SLC9B2: variants seen among roughly 807,000 people sequenced by gnomAD.
SLC9B2 encodes the protein solute carrier family 9 member B2.
Under a neutral mutation model 52.2 loss-of-function variants are expected in SLC9B2, and 39 were observed. The ratio of observed to expected loss-of-function variants is 0.75; its 90% CI spans 0.58 to 0.98. The LOEUF is 0.98. Ranked by LOEUF, SLC9B2 falls within the 50% of genes least tolerant of loss-of-function variation. The pLI, the probability that SLC9B2 is intolerant of heterozygous loss-of-function variation, is 0.00. For synonymous variants in SLC9B2, 214 were observed against 227.0 expected, an observed-to-expected ratio of 0.94 and a Z score of 0.51; for missense variants, 626 against 637.5, an observed-to-expected ratio of 0.98 and a Z score of 0.19.
downstream of SLC9B2, among the ~76,000 whole-genome samples, chr4:103,018,152 C>A (rs920516043): frequency 6.6e-6 from 1 of 152,166 alleles, no homozygotes; most frequent in Non-Finnish European, 1.5e-5. Flanking sequence ...AGTGTTTAAA[C>A]AGGATGAGTA....
At chr4:103,033,370 AC>A (rs1742872256) in intron 9 of SLC9B2, among the ~76,000 whole-genome samples, 1 of 152,176 alleles carries the variant, frequency 6.6e-6, no homozygotes, top group Admixed American at 6.6e-5. Flanking sequence ...CCAGAATAAG[AC>A]AAGGATGCCC....
chr4:103,047,995 C>CA (rs999590725), intron 6 of SLC9B2, among the ~76,000 whole-genome samples: 5 of 151,944 alleles, frequency 3.3e-5, no homozygotes, highest in Admixed American at 6.6e-5. Flanking sequence ...CTTTTTTAAA[C>CA]AAAAAAATTC....
At chr4:103,028,657 C>T in intron 11 of SLC9B2, 90 bp downstream of exon 11, 1 of 1,406,280 alleles carries the variant, frequency 7.1e-7, no homozygotes, top group African/African-American at 1.5e-5. Context: ...TATTTATTTT[C>T]ACTAAATTTA....
intron 1 of SLC9B2, among the ~76,000 whole-genome samples, chr4:103,072,703 T>G (rs1746770516): frequency 6.6e-6 from 1 of 152,186 alleles, no homozygotes; most frequent in Non-Finnish European, 1.5e-5. Context: ...TGCTAAAAGA[T>G]ATGGATAAAG....
At chr4:103,067,888 AG>A (rs774786539) in intron 1 of SLC9B2, among the ~76,000 whole-genome samples, 16 of 152,194 alleles carry the variant, frequency 1.1e-4, no homozygotes, top group Non-Finnish European at 2.1e-4. Context: ...AAGCAATATC[AG>A]TGTTAAACTG....
chr4:103,050,448 ATT>A, intron 4 of SLC9B2, 66 bp from the exon 5 acceptor site: 1 of 1,417,678 alleles, frequency 7.1e-7, no homozygotes, highest in Non-Finnish European at 9.3e-7. Flanking sequence ...TAGTACTTTA[ATT>A]TTATACAGAC....
Position 103,047,173 on chromosome 4 carries a change from A to T in SLC9B2, c.767T>A (p.Leu256Ter), listed in dbSNP as rs1245782758. ...PAVVVPSMLL[L>*]QGGGYGVEKG... Reference sequence around the variant, plus strand: ...CTCAACACCATAGCCTCCTCCCTGCAAAAGGAGCATTGAAGGCACCACAAC... The same window carrying T: ...CTCAACACCATAGCCTCCTCCCTGCTAAAGGAGCATTGAAGGCACCACAAC... Residue 256 changes from leucine (L) to a stop codon, truncating the protein, a stop_gained, in exon 7 of 12, where the codon TTG becomes TAG. Coordinates refer to ENST00000394785, the MANE Select transcript of SLC9B2 (RefSeq NM_178833.7). LOFTEE classifies it high-confidence loss of function. 1 of 1,613,898 alleles carries T rather than the reference A, an allele frequency of 6.2e-7. No homozygotes were observed. Among genetic ancestry groups the T allele is most frequent in the East Asian group, 2.2e-5 (1 of 44,870 alleles).
At chr4:103,036,746 T>C (rs1743216872) in intron 9 of SLC9B2, among the ~76,000 whole-genome samples, 1 of 151,856 alleles carries the variant, frequency 6.6e-6, no homozygotes, top group Admixed American at 6.6e-5. Flanking sequence ...AACTCACCAT[T>C]TGGCAGGACA....
chr4:103,072,783 G>T (rs907630322), intron 1 of SLC9B2, among the ~76,000 whole-genome samples: 2 of 152,132 alleles, frequency 1.3e-5, no homozygotes, highest in African/African-American at 4.8e-5. Context: ...ATCTTATGGA[G>T]AATTTACATA....
intron 3 of SLC9B2, among the ~76,000 whole-genome samples, chr4:103,059,247 ATTTG>A (rs1745422522): frequency 6.6e-6 from 1 of 152,148 alleles, no homozygotes; most frequent in Non-Finnish European, 1.5e-5. Context: ...ACACACTGAC[ATTTG>A]TGTCCCATAC....
intron 7 of SLC9B2, among the ~76,000 whole-genome samples, chr4:103,046,588 G>A (rs566269248): frequency 6.6e-5 from 10 of 152,144 alleles, no homozygotes; most frequent in Non-Finnish European, 1.2e-4. Flanking sequence ...TATTTTAAAG[G>A]CATGCTGTTC....
At chr4:103,046,939 C>T (rs772821814) in intron 7 of SLC9B2, 112 bp downstream of exon 7, 3 of 1,274,682 alleles carry the variant, frequency 2.4e-6, no homozygotes, top group Non-Finnish European at 2.2e-6. Context: ...GTTCTTTTGC[C>T]TATTTTTAAT....
intron 4 of SLC9B2, among the ~76,000 whole-genome samples, chr4:103,057,365 T>C (rs1745243845): frequency 6.6e-6 from 1 of 151,598 alleles, no homozygotes; most frequent in Admixed American, 6.6e-5. Context: ...GATTGGAGTG[T>C]AATGGTGCAA....
At chr4:103,018,066 C>T (rs1322326808), downstream of SLC9B2, among the ~76,000 whole-genome samples, 2 of 152,170 alleles carry the variant, frequency 1.3e-5, no homozygotes, top group African/African-American at 2.4e-5. Flanking sequence ...ACATATATTA[C>T]ACTATGTTCC....
intron 9 of SLC9B2, 41 bp downstream of exon 9, chr4:103,043,255 A>G (rs1381241141): frequency 6.4e-7 from 1 of 1,564,848 alleles, no homozygotes; most frequent in Non-Finnish European, 8.6e-7. Context: ...TAATCTCATT[A>G]GAAAAGAGTC....
At chr4:103,071,385 T>A (rs1746622624) in intron 1 of SLC9B2, among the ~76,000 whole-genome samples, 1 of 149,888 alleles carries the variant, frequency 6.7e-6, no homozygotes, top group African/African-American at 2.4e-5. Context: ...TGTATTTTTT[T>A]TTTTTTTTTT....
intron 4 of SLC9B2, among the ~76,000 whole-genome samples, chr4:103,050,938 A>T (rs913765818): frequency 2.6e-5 from 4 of 152,222 alleles, no homozygotes; most frequent in African/African-American, 4.8e-5. Context: ...GAATGCCTTC[A>T]GTAGTTTAGA....
downstream of SLC9B2, chr4:103,019,491 G>T (rs548362807): frequency 1.4e-6 from 1 of 719,778 alleles, no homozygotes; most frequent in Non-Finnish European, 1.7e-6. Flanking sequence ...ATTGAACTGA[G>T]GGGGAGGAAA....
chr4:103,043,240 C>T lies in SLC9B2; in HGVS notation c.1146+56G>A, dbSNP rs1180614572. On this transcript the variant is annotated intron_variant, in intron 9 of 11. Transcript: ENST00000394785. ...GATGCTAAGAAAGTATCTGGAAAGC[C>T]AACTTAATCTCATTAGAAAAGAGTC... 6 of 1,490,838 alleles carry T rather than the reference C, an allele frequency of 4.0e-6. 1 individual carries two copies. The African/African-American group carries it at 5.6e-5, about 14-fold the overall frequency. The allele number at this position is 1,490,838 out of a possible 1,614,324, so 92.4% of individuals were successfully genotyped here. A position where few individuals can be genotyped will look rare whatever the true frequency, so the allele number is the denominator to read the frequency against.
Sources: gnomAD v4.1 joint callset for allele counts (sites outside exome capture counted in the v4.1 genomes callset) on GRCh38, gnomAD v4.1.1 for gene constraint, MANE v1.5 for transcripts, NCBI Gene and HGNC (gene_info 2026-07-23, HGNC 2026-07-21) for gene names.